INSR: variants seen among roughly 807,000 people sequenced by gnomAD.
INSR encodes IR.
INSR carries 67 observed loss-of-function variants against 142.6 expected under a neutral mutation model. The observed-to-expected ratio is 0.47, with a 90% CI of 0.39 to 0.58. The LOEUF is 0.58. Ranked by LOEUF, INSR falls within the 20% of genes least tolerant of loss-of-function variation. The pLI is 0.00. For synonymous variants in INSR, 756 were observed against 743.1 expected, an observed-to-expected ratio of 1.02 and a Z score of -0.28; for missense variants, 1,248 against 1,833.2, an observed-to-expected ratio of 0.68 and a Z score of 5.83.
At position 7,192,852 on chromosome 19, in the gene INSR, T is replaced by G. The variant is rs117185330; in HGVS notation, c.653-8215A>C. ...AAGCAACTATCATCTTCCTGAAACT[T>G]TCAGCTGCGGTGGCTTTTTCACTAT... On this transcript the variant is annotated intron_variant, in intron 2 of 21. Coordinates refer to ENST00000302850, the MANE Select transcript of INSR (RefSeq NM_000208.4). The surrounding 1 kb of genome is among the most constrained non-coding windows in gnomAD (Gnocchi z 4.2). 0.023 allele frequency among the ~76,000 whole-genome samples: 3,523 copies of G among 152,258 alleles called. 57 individuals are homozygous for G. The highest frequency in any genetic ancestry group is 0.031 in the Middle Eastern group (9 of 294).
At chr19:7,132,372 T>G in intron 13 of INSR, 55 bp from the exon 14 acceptor site, 1 of 1,585,104 alleles carries the variant, frequency 6.3e-7, no homozygotes, top group Non-Finnish European at 8.6e-7. Context: ...CATCTGGGAG[T>G]GTCCACCCCT....
intron 2 of INSR, among the ~76,000 whole-genome samples, chr19:7,244,292 G>A (rs1976459674): frequency 6.6e-6 from 1 of 152,172 alleles, no homozygotes; most frequent in Non-Finnish European, 1.5e-5. Flanking sequence ...CAGCACTTTG[G>A]GAGGCCGAAG....
intron 13 of INSR, among the ~76,000 whole-genome samples, chr19:7,133,418 T>A (rs1396241712): frequency 3.9e-5 from 6 of 152,220 alleles, no homozygotes. Context: ...ACATTTAAAA[T>A]CTATTCTTCT....
In INSR at chr19:7,141,824, G is replaced by A. The variant is rs1973076237; in HGVS notation, c.2543-8C>T. The A allele has an allele frequency of 1.2e-6, 2 of 1,609,430 alleles. No individual in the cohort carries two copies. On this transcript the variant is annotated splice_polypyrimidine_tract_variant and splice_region_variant and intron_variant, in intron 12 of 21. Coordinates refer to ENST00000302850, the MANE Select transcript of INSR (RefSeq NM_000208.4). The stretch of plus-strand genomic sequence containing the variant: ...CAATGTCATCAGCCTTGGCTGTAAG[G>A]AGAGGAAGTGAGAGGCAGGGATGTA...
chr19:7,268,870 A>G (rs374408131), intron 1 of INSR, among the ~76,000 whole-genome samples: 34 of 152,240 alleles, frequency 2.2e-4, no homozygotes, highest in African/African-American at 7.9e-4. Flanking sequence ...TCATGCTTCA[A>G]GATATCCAGT....
intron 1 of INSR, among the ~76,000 whole-genome samples, chr19:7,290,268 G>A (rs76036948): frequency 0.059 from 8,987 of 151,990 alleles, 648 homozygotes; most frequent in African/African-American, 0.14. Flanking sequence ...TAGCCAGGCA[G>A]GGTGGCGTGT....
intron 2 of INSR, among the ~76,000 whole-genome samples, chr19:7,201,966 T>C (rs1178226119): frequency 1.3e-5 from 2 of 152,124 alleles, no homozygotes; most frequent in Non-Finnish European, 2.9e-5. Flanking sequence ...AGGCCTTCAT[T>C]CTTAATTTTA....
At chr19:7,208,801 C>G (rs567371419) in intron 2 of INSR, among the ~76,000 whole-genome samples, 1 of 125,528 alleles carries the variant, frequency 8.0e-6, no homozygotes, top group East Asian at 2.4e-4. Context: ...GTCAGGAAAT[C>G]GAGACCATCC....
intron 6 of INSR, among the ~76,000 whole-genome samples, chr19:7,169,827 C>T (rs775562260): frequency 3.3e-5 from 5 of 152,032 alleles, no homozygotes; most frequent in Admixed American, 6.6e-5. Flanking sequence ...ATCCCGTATC[C>T]GGTACTATAT....
rs202013280 is a variant in INSR, at chr19:7,207,942, G to A, written c.653-23305C>T. On this transcript the variant is annotated intron_variant, in intron 2 of 21. Transcript: ENST00000302850. ...GAAGGAAGGAAGGAAGGAAGGAAGG[G>A]AAGGAGGGAGGGAGGGAGGGAGGGA... 5.0e-3 allele frequency among the ~76,000 whole-genome samples: 149 copies of A among 29,872 alleles called. 1 individual carries two copies. The highest frequency in any genetic ancestry group is 0.026 in the Middle Eastern group (1 of 38). The allele number at this position is 29,872 out of a possible 152,430, so 19.6% of individuals were successfully genotyped here.
chr19:7,226,884 C>G (rs903680147), intron 2 of INSR, among the ~76,000 whole-genome samples: 2 of 152,164 alleles, frequency 1.3e-5, no homozygotes, highest in Non-Finnish European at 2.9e-5. Context: ...CCCTCCTCCT[C>G]CTGCCAATTT....
chr19:7,160,489 G>C (rs1305774530), intron 9 of INSR, among the ~76,000 whole-genome samples: 1 of 152,022 alleles, frequency 6.6e-6, no homozygotes, highest in Non-Finnish European at 1.5e-5. Context: ...AGTGTCTCAG[G>C]CCTGTAGTCC....
In INSR at chr19:7,293,909, G is replaced by A. The variant is rs1392063002; in HGVS notation, c.-18C>T. The A allele has an allele frequency of 1.3e-5, 16 of 1,208,058 alleles. 1 individual carries two copies. In the African/African-American group the frequency reaches 1.8e-4, roughly 13 times the overall value. The allele number at this position is 1,208,058 out of a possible 1,614,324, so 74.8% of individuals were successfully genotyped here. On this transcript the variant is annotated 5_prime_UTR_variant, in exon 1 of 22. Coordinates refer to ENST00000302850, the MANE Select transcript of INSR (RefSeq NM_000208.4). The stretch of plus-strand genomic sequence containing the variant: ...GTGGCCATGGCTGCGGGAGCGCGGG[G>A]TCTCCTCGGATCAGAGCGCGCGGCG...
chr19:7,205,175 T>G (rs1975074722), intron 2 of INSR, among the ~76,000 whole-genome samples: 1 of 152,180 alleles, frequency 6.6e-6, no homozygotes, highest in Admixed American at 6.6e-5. Context: ...CTACGGAGTG[T>G]CCGGCACCAT....
At chr19:7,142,772 G>C (rs143736032) in intron 12 of INSR, 44 bp downstream of exon 12, 1 of 1,609,302 alleles carries the variant, frequency 6.2e-7, no homozygotes, top group Non-Finnish European at 8.5e-7. Flanking sequence ...GGTCAGCCTT[G>C]ATGTCCCACC....
At chr19:7,153,436 T>C (rs1474146471) in intron 9 of INSR, among the ~76,000 whole-genome samples, 13 of 59,608 alleles carry the variant, frequency 2.2e-4, no homozygotes, top group East Asian at 5.6e-4. Context: ...ACCACACAAA[T>C]CACACACACC....
intron 1 of INSR, among the ~76,000 whole-genome samples, chr19:7,279,182 G>A (rs1163615113): frequency 6.6e-6 from 1 of 151,728 alleles, no homozygotes; most frequent in East Asian, 1.9e-4. Context: ...CCTCTAGACA[G>A]GGCACAGTGG....
intron 2 of INSR, among the ~76,000 whole-genome samples, chr19:7,189,173 GAA>G (rs60598718): frequency 0.56 from 84,904 of 151,812 alleles, 24,820 homozygotes; most frequent in Non-Finnish European, 0.63. Flanking sequence ...CTCTGGCAAG[GAA>G]ACACACACAC....
At chr19:7,230,829 T>A (rs867819127) in intron 2 of INSR, among the ~76,000 whole-genome samples, 42 of 139,732 alleles carry the variant, frequency 3.0e-4, no homozygotes, top group East Asian at 1.1e-3. Flanking sequence ...AAATAAAAAA[T>A]ATTAGCTCAA....
Sources: gnomAD v4.1 joint callset for allele counts (sites outside exome capture counted in the v4.1 genomes callset) on GRCh38, gnomAD v4.1.1 for gene constraint, Gnocchi (gnomAD v3.1) non-coding constraint, MANE v1.5 for transcripts, NCBI Gene and HGNC (gene_info 2026-07-23, HGNC 2026-07-21) for gene names.